The following NELL1 variants were observed in gnomAD, a reference collection of about 807,000 sequenced individuals.
The protein encoded by NELL1 is protein kinase C-binding protein NELL1.
In NELL1, 76 loss-of-function variants were observed where a neutral mutation model predicts 107.4. That is an observed-to-expected ratio of 0.71 (90% CI 0.59 to 0.86). The LOEUF is 0.86. NELL1 is among the 40% of genes least tolerant of loss of function. The pLI is 0.00. For synonymous variants in NELL1, 353 were observed against 341.2 expected, an observed-to-expected ratio of 1.03 and a Z score of -0.38; for missense variants, 1,024 against 1,005.5, an observed-to-expected ratio of 1.02 and a Z score of -0.25.
intron 13 of NELL1, among the ~76,000 whole-genome samples, chr11:21,198,454 T>C (rs1040928405): frequency 7.9e-5 from 12 of 152,218 alleles, no homozygotes; most frequent in African/African-American, 2.9e-4. Context: ...ATGATGTCCA[T>C]TTTTGGAAAA....
At chr11:20,948,829 T>C (rs1249310405) in intron 11 of NELL1, among the ~76,000 whole-genome samples, 1 of 147,240 alleles carries the variant, frequency 6.8e-6, no homozygotes, top group African/African-American at 2.5e-5. Context: ...ATATCTACCA[T>C]AAATACTTCA....
At chr11:20,888,212 A>G (rs1173194189) in intron 5 of NELL1, among the ~76,000 whole-genome samples, 1 of 152,108 alleles carries the variant, frequency 6.6e-6, no homozygotes, top group African/African-American at 2.4e-5. Context: ...TTGTTAAAAT[A>G]ATTAAACTAA....
intron 11 of NELL1, among the ~76,000 whole-genome samples, chr11:20,950,440 C>T (rs1412165419): frequency 6.6e-6 from 1 of 152,204 alleles, no homozygotes; most frequent in Non-Finnish European, 1.5e-5. Context: ...TTAAAAGTAA[C>T]ATAATCATCT....
intron 12 of NELL1, among the ~76,000 whole-genome samples, chr11:21,066,882 A>G (rs1853885778): frequency 6.6e-6 from 1 of 152,094 alleles, no homozygotes. Flanking sequence ...TGAACCCAGG[A>G]GGCAGGGGTT....
chr11:21,108,037 G>A (rs547572153), intron 12 of NELL1, among the ~76,000 whole-genome samples: 8 of 152,296 alleles, frequency 5.3e-5, no homozygotes, highest in East Asian at 1.9e-4. Flanking sequence ...ATGGTTAGGA[G>A]CAATGAGATG....
intron 15 of NELL1, among the ~76,000 whole-genome samples, chr11:21,533,178 T>C (rs1856037720): frequency 1.3e-5 from 2 of 152,144 alleles, no homozygotes; most frequent in South Asian, 4.1e-4. Flanking sequence ...ACTACACCTT[T>C]TCTCTCTTTA....
At chr11:20,970,889 TTTTA>T (rs1263599538) in intron 12 of NELL1, among the ~76,000 whole-genome samples, 1 of 152,146 alleles carries the variant, frequency 6.6e-6, no homozygotes, top group Non-Finnish European at 1.5e-5. Context: ...AAATTAGAAC[TTTTA>T]TTTATGCTTA....
chr11:20,763,097 C>T (rs1047416438), intron 2 of NELL1, among the ~76,000 whole-genome samples: 1 of 152,134 alleles, frequency 6.6e-6, no homozygotes, highest in Non-Finnish European at 1.5e-5. Flanking sequence ...CTAACTTACC[C>T]GGAGACACCT....
At chr11:21,067,044 A>C (rs140039414) in intron 12 of NELL1, among the ~76,000 whole-genome samples, 41 of 152,272 alleles carry the variant, frequency 2.7e-4, no homozygotes, top group African/African-American at 9.4e-4. Context: ...GGTGTGAAGG[A>C]GACAGCAAGT....
intron 7 of NELL1, 81 bp from the exon 8 acceptor site, chr11:20,927,226 AT>A (rs1850516437): frequency 1.7e-5 from 23 of 1,342,174 alleles, no homozygotes; most frequent in Admixed American, 2.5e-5. Context: ...TCTCAGAAGG[AT>A]TTTTTTTCTT....
At chr11:21,118,350 C>A (rs761132902) in intron 13 of NELL1, among the ~76,000 whole-genome samples, 10 of 151,906 alleles carry the variant, frequency 6.6e-5, no homozygotes, top group Non-Finnish European at 1.0e-4. Context: ...GATTCAAGGA[C>A]CTTCATTAGA....
At chr11:20,865,099 G>C (rs1453284932) in intron 4 of NELL1, among the ~76,000 whole-genome samples, 2 of 152,210 alleles carry the variant, frequency 1.3e-5, no homozygotes, top group Non-Finnish European at 2.9e-5. Context: ...CCTCTCTGGA[G>C]TTAGAGCTAT....
At chr11:21,108,861 C>G (rs1301981536) in intron 12 of NELL1, among the ~76,000 whole-genome samples, 1 of 152,088 alleles carries the variant, frequency 6.6e-6, no homozygotes, top group Non-Finnish European at 1.5e-5. Context: ...TCATGAATGG[C>G]CTTGCACACG....
intron 14 of NELL1, among the ~76,000 whole-genome samples, chr11:21,276,283 A>G (rs1252013382): frequency 6.6e-6 from 1 of 152,180 alleles, no homozygotes; most frequent in African/African-American, 2.4e-5. Flanking sequence ...ATCATGAGTG[A>G]ACTCCCATTC....
chr11:20,792,599 A>G (rs577639374), intron 3 of NELL1, among the ~76,000 whole-genome samples: 4 of 151,970 alleles, frequency 2.6e-5, no homozygotes, highest in African/African-American at 7.2e-5. Flanking sequence ...ATATCTTTTC[A>G]GTGTGCATTT....
chr11:21,485,572 T>G (rs536266369), intron 15 of NELL1, among the ~76,000 whole-genome samples: 1 of 150,986 alleles, frequency 6.6e-6, no homozygotes, highest in East Asian at 2.0e-4. Context: ...CCGCCTCTGC[T>G]TGCGAGCTGC....
At chr11:21,120,481 C>T (rs1267412038) in intron 13 of NELL1, among the ~76,000 whole-genome samples, 6 of 152,170 alleles carry the variant, frequency 3.9e-5, no homozygotes, top group African/African-American at 7.2e-5. Flanking sequence ...AAATTTTCCA[C>T]GGATCATCAT....
chr11:21,143,455 G>A (rs1855911321), intron 13 of NELL1, among the ~76,000 whole-genome samples: 1 of 152,100 alleles, frequency 6.6e-6, no homozygotes, highest in Non-Finnish European at 1.5e-5. Flanking sequence ...GTGAAGCTCG[G>A]GCATTATATG....
intron 15 of NELL1, among the ~76,000 whole-genome samples, chr11:21,492,195 A>G (rs1360391040): frequency 2.0e-5 from 3 of 152,298 alleles, no homozygotes; most frequent in South Asian, 4.1e-4. Context: ...CCACAGTGAG[A>G]TACCATCTCA....
Sources: allele counts gnomAD v4.1 joint callset (sites outside exome capture counted in the v4.1 genomes callset), GRCh38; gene constraint gnomAD v4.1.1; transcripts MANE v1.5; gene names NCBI Gene and HGNC (gene_info 2026-07-23, HGNC 2026-07-21).